The following APOBEC2 variants were observed in gnomAD, a reference collection of about 807,000 sequenced individuals.
APOBEC2 encodes the protein C->U-editing enzyme APOBEC-2.
In APOBEC2, 14 loss-of-function variants were observed where a neutral mutation model predicts 19.4. The observed-to-expected ratio is 0.72, with a 90% CI of 0.48 to 1.13. The LOEUF is 1.13. Ranked by LOEUF, APOBEC2 falls within the 50% of genes most tolerant of loss-of-function variation. The pLI is 0.00. For missense variants in APOBEC2, 304 were observed against 277.0 expected, an observed-to-expected ratio of 1.10 and a Z score of -0.69; for synonymous variants, 127 against 112.1, an observed-to-expected ratio of 1.13 and a Z score of -0.84.
chr6:41,054,761 G>C (rs1301767976), intron 1 of APOBEC2, among the ~76,000 whole-genome samples: 1 of 152,204 alleles, frequency 6.6e-6, no homozygotes, highest in South Asian at 2.1e-4. Flanking sequence ...GGCCAGGAGA[G>C]TCCTCAATTC....
Position 41,053,344 on chromosome 6 carries a change from C to A in APOBEC2, c.-4C>A. 2 of 1,612,708 alleles carry A rather than the reference C, an allele frequency of 1.2e-6. No homozygotes were observed. The highest frequency in any genetic ancestry group is 1.7e-6 in the Non-Finnish European group (2 of 1,179,832). On this transcript the variant is annotated 5_prime_UTR_variant, in exon 1 of 3. Transcript: ENST00000244669. The stretch of plus-strand genomic sequence containing the variant: ...CTCAGTGACTCCTGAGCCACAGCCC[C>A]TCCATGGCCCAGAAGGAAGAGGCTG...
chr6:41,061,228 A>T (rs996028173), intron 1 of APOBEC2, 100 bp from the exon 2 acceptor site: 2 of 826,880 alleles, frequency 2.4e-6, no homozygotes, highest in African/African-American at 3.9e-5. Flanking sequence ...GAGTGAATGC[A>T]TTTCTGAAGT....
intron 1 of APOBEC2, among the ~76,000 whole-genome samples, 168 bp from the exon 2 acceptor site, chr6:41,061,160 T>C (rs1198035310): frequency 1.4e-5 from 2 of 140,398 alleles, no homozygotes; most frequent in African/African-American, 5.1e-5. Flanking sequence ...TTAATGCTTT[T>C]TTTTTTTTTT....
At chr6:41,061,954 A>G (rs1278548416) in intron 2 of APOBEC2, 62 bp downstream of exon 2, 10 of 1,421,692 alleles carry the variant, frequency 7.0e-6, no homozygotes, top group African/African-American at 2.9e-5. Context: ...AGAAGGTGTG[A>G]GGTCAGGTAG....
chr6:41,061,807 C>G lies in APOBEC2; in HGVS notation c.611C>G (p.Pro204Arg), dbSNP rs1317289740. Residue 204 changes from proline to arginine, a missense_variant, in exon 2 of 3, where the codon CCC becomes CGC. Physicochemically the swap from Pro to Arg is moderately radical, Grantham distance 103 (BLOSUM62 -2). Transcript: ENST00000244669. The stretch of plus-strand genomic sequence containing the variant: ...GAGGGTGAATCCAAGGCCTTTCAGC[C>G]CTGGGAGGACATTCAGGAGAACTTC... Reference protein sequence around the residue: ...QEEGESKAFQPWEDIQENFLY... With the variant: ...QEEGESKAFQRWEDIQENFLY... 1 of 1,614,136 alleles carries G rather than the reference C, an allele frequency of 6.2e-7. No individual in the cohort carries two copies. The highest frequency in any genetic ancestry group is 8.5e-7 in the Non-Finnish European group (1 of 1,180,030).
chr6:41,056,127 T>G (rs983496883), intron 1 of APOBEC2, among the ~76,000 whole-genome samples: 2 of 152,188 alleles, frequency 1.3e-5, no homozygotes, highest in African/African-American at 4.8e-5. Flanking sequence ...TCCTTTTTCT[T>G]TTTTGGAGAT....
intron 2 of APOBEC2, among the ~76,000 whole-genome samples, chr6:41,063,663 T>TAA (rs36027549): frequency 0.31 from 43,824 of 141,326 alleles, 7,604 homozygotes; most frequent in African/African-American, 0.47. Flanking sequence ...TATATCAAGT[T>TAA]AAAAAAAAAA....
chr6:41,054,565 TC>T (rs1000009656), intron 1 of APOBEC2, among the ~76,000 whole-genome samples: 1 of 152,212 alleles, frequency 6.6e-6, no homozygotes, highest in Non-Finnish European at 1.5e-5. Flanking sequence ...TAAGGTCCCT[TC>T]CAGCTCAGAT....
chr6:41,062,422 A>G (rs1204479945), intron 2 of APOBEC2, among the ~76,000 whole-genome samples: 1 of 152,196 alleles, frequency 6.6e-6, no homozygotes, highest in African/African-American at 2.4e-5. Context: ...CTGGTATTTA[A>G]CTTGTTTTAA....
Position 41,061,547 on chromosome 6 carries a change from C to T in APOBEC2, c.351C>T (p.Tyr117=). The change falls in exon 2 of 3, where the codon TAC becomes TAT. Residue 117 remains tyrosine, a synonymous_variant. Transcript: ENST00000244669. ...ILPAFDPALR[Y]NVTWYVSSSP... ...CAGCCTTCGACCCAGCCCTGCGGTA[C>T]AATGTCACCTGGTATGTGTCCTCCA... The T allele has an allele frequency of 6.2e-7, 1 of 1,614,228 alleles. No homozygotes were observed. Among genetic ancestry groups the T allele is most frequent in the South Asian group, 1.1e-5 (1 of 91,088 alleles).
chr6:41,060,727 A>G (rs1486441865), intron 1 of APOBEC2, among the ~76,000 whole-genome samples: 1 of 152,266 alleles, frequency 6.6e-6, no homozygotes, highest in African/African-American at 2.4e-5. Context: ...GAAGGAGAGC[A>G]TGTTATTGCA....
intron 1 of APOBEC2, among the ~76,000 whole-genome samples, chr6:41,055,695 A>G (rs1266203473): frequency 6.6e-6 from 1 of 152,226 alleles, no homozygotes; most frequent in African/African-American, 2.4e-5. Context: ...TGCCCAGCTC[A>G]TAGCGATTCT....
At chr6:41,058,034 G>A (rs1226655889) in intron 1 of APOBEC2, among the ~76,000 whole-genome samples, 1 of 152,094 alleles carries the variant, frequency 6.6e-6, no homozygotes, top group African/African-American at 2.4e-5. Flanking sequence ...AGAGGCTGGG[G>A]AGAGGGAATA....
At chr6:41,058,136 C>A (rs1481212713) in intron 1 of APOBEC2, among the ~76,000 whole-genome samples, 1 of 148,074 alleles carries the variant, frequency 6.8e-6, no homozygotes, top group Non-Finnish European at 1.5e-5. Flanking sequence ...CACCACCCAC[C>A]ACCACCACCC....
intron 1 of APOBEC2, among the ~76,000 whole-genome samples, chr6:41,056,279 G>A (rs185616158): frequency 6.6e-6 from 1 of 152,200 alleles, no homozygotes; most frequent in Admixed American, 6.5e-5. Flanking sequence ...ATGCCACCAC[G>A]CCCAGCTAAT....
At chr6:41,054,252 T>C (rs1762768335) in intron 1 of APOBEC2, among the ~76,000 whole-genome samples, 1 of 152,218 alleles carries the variant, frequency 6.6e-6, no homozygotes, top group Non-Finnish European at 1.5e-5. Context: ...AGTAGTCTTC[T>C]TCCTCTTCCC....
In APOBEC2 at chr6:41,064,082, CTTTG is replaced by C. The variant is rs979685332; in HGVS notation, c.*22-11_*22-8del. ...AGCAGAGCTCTCAGTAACACATTTT[CTTTG>C]TTTGTTTTACCAAGGTATTCCTGCT... On this transcript the variant is annotated splice_polypyrimidine_tract_variant and intron_variant, in intron 2 of 2. Transcript: ENST00000244669. The C allele has an allele frequency of 3.3e-5, 5 of 152,522 alleles. No individual in the cohort carries two copies. The highest frequency in any genetic ancestry group is 1.9e-4 in the East Asian group (1 of 5,186). 9.4% of individuals were successfully genotyped at this position (152,522 alleles called of 1,614,324 possible).
At position 41,061,310 on chromosome 6, in the gene APOBEC2, T is replaced by C; in HGVS notation, c.132-18T>C. On this transcript the variant is annotated intron_variant, in intron 1 of 2. Coordinates refer to ENST00000244669, the MANE Select transcript of APOBEC2 (RefSeq NM_006789.4). Reference sequence around the variant, plus strand: ...AACTTATCATTCTTTCCTGTCCTTTTGTCTCCTTGACCTACAGAGAACGGC... The same window carrying C: ...AACTTATCATTCTTTCCTGTCCTTTCGTCTCCTTGACCTACAGAGAACGGC... 1.3e-6 allele frequency: 2 copies of C among 1,515,936 alleles called. No individual in the cohort carries two copies. The highest frequency in any genetic ancestry group is 1.8e-6 in the Non-Finnish European group (2 of 1,132,972). 93.9% of individuals were successfully genotyped at this position (1,515,936 alleles called of 1,614,324 possible).
chr6:41,061,950 T>C (rs1388958151), intron 2 of APOBEC2, 58 bp downstream of exon 2: 21 of 1,453,600 alleles, frequency 1.4e-5, no homozygotes, highest in Non-Finnish European at 1.9e-5. Context: ...CAGTAGAAGG[T>C]GTGAGGTCAG....
Sources: allele counts gnomAD v4.1 joint callset (sites outside exome capture counted in the v4.1 genomes callset), GRCh38; gene constraint gnomAD v4.1.1; transcripts MANE v1.5; gene names NCBI Gene and HGNC (gene_info 2026-07-23, HGNC 2026-07-21).